The following SGMS1 variants were observed in gnomAD, a reference collection of about 807,000 sequenced individuals.
SGMS1 encodes sphingomyelin synthase 1.
SGMS1 carries 13 observed loss-of-function variants against 46.2 expected under a neutral mutation model. The observed-to-expected ratio is 0.28, with a 90% CI of 0.18 to 0.45. SGMS1 has a LOEUF of 0.45. SGMS1 is among the 20% of genes least tolerant of loss of function. The pLI, the probability that SGMS1 is intolerant of heterozygous loss-of-function variation, is 1.00. For missense variants in SGMS1, 324 were observed against 519.9 expected (o/e 0.62, Z 3.66); for synonymous variants, 203 against 187.8 (o/e 1.08, Z -0.66).
chr10:50,587,633 ATGTGTGTGTGTGTGTGTGTGTGTG>A (rs35240090), intron 2 of SGMS1, among the ~76,000 whole-genome samples: 1 of 138,172 alleles, frequency 7.2e-6, no homozygotes. Context: ...CAAAATATAT[ATGTGTGTGTGTGTGTGTGTGTGTG>A]TGTGTGTGTG....
chr10:50,485,679 C>T (rs1021647304), intron 3 of SGMS1, among the ~76,000 whole-genome samples: 2 of 152,134 alleles, frequency 1.3e-5, no homozygotes, highest in South Asian at 2.1e-4. Context: ...GCAGGTGGAT[C>T]GCTTGAGGCC....
At chr10:50,531,704 C>T (rs575674586) in intron 2 of SGMS1, among the ~76,000 whole-genome samples, 22 of 152,296 alleles carry the variant, frequency 1.4e-4, no homozygotes, top group Admixed American at 9.8e-4. Context: ...CTCTCTGCTG[C>T]GGCAAGTTGC....
intron 1 of SGMS1, among the ~76,000 whole-genome samples, chr10:50,613,058 T>A (rs1046553617): frequency 2.0e-5 from 3 of 152,230 alleles, no homozygotes; most frequent in Non-Finnish European, 4.4e-5. Context: ...TGACCACTTA[T>A]AGCACACATC....
At chr10:50,466,093 T>C (rs1313132554) in intron 4 of SGMS1, among the ~76,000 whole-genome samples, 1 of 152,124 alleles carries the variant, frequency 6.6e-6, no homozygotes. Context: ...AAGTCTAAGA[T>C]TTTAAAAGGA....
chr10:50,317,774 C>G (rs1847367485), intron 8 of SGMS1, among the ~76,000 whole-genome samples: 1 of 151,662 alleles, frequency 6.6e-6, no homozygotes, highest in Non-Finnish European at 1.5e-5. Context: ...AAATCAAGCT[C>G]CCCTGTCTCT....
At chr10:50,379,154 C>T (rs1848564269) in intron 6 of SGMS1, among the ~76,000 whole-genome samples, 2 of 152,144 alleles carry the variant, frequency 1.3e-5, no homozygotes, top group African/African-American at 4.8e-5. Context: ...GTATAATATA[C>T]TTTAAGCCCC....
rs746429724 is a variant in SGMS1 at position 50,623,567 on chromosome 10, C to T, written c.-684+140G>A. ...TGCCCGCCAGGTACGCGCGCGGCAC[C>T]GCGCGGGCTGCGCTCACGCCCCCTC... On this transcript the variant is annotated intron_variant, in intron 1 of 10. Transcript: ENST00000361781. 24 of 984,860 alleles carry T rather than the reference C, an allele frequency of 2.4e-5. No individual in the cohort carries two copies. The East Asian group carries it at 2.5e-3, about 103-fold the overall frequency. The allele number at this position is 984,860 out of a possible 1,614,324, so 61.0% of individuals were successfully genotyped here. A position where few individuals can be genotyped will look rare whatever the true frequency, so the allele number is the denominator to read the frequency against.
chr10:50,605,132 C>T (rs905695585), intron 1 of SGMS1, among the ~76,000 whole-genome samples: 4 of 82,396 alleles, frequency 4.9e-5, no homozygotes, highest in Non-Finnish European at 8.0e-5. Flanking sequence ...GATGCCCAGG[C>T]ACCACAAAAC....
intron 1 of SGMS1, among the ~76,000 whole-genome samples, chr10:50,623,182 T>C (rs1324351056): frequency 1.3e-5 from 2 of 151,764 alleles, no homozygotes; most frequent in Non-Finnish European, 2.9e-5. Context: ...GGTGGGGGGA[T>C]CCCGAAATAG....
chr10:50,380,243 T>C (rs2133471589), intron 6 of SGMS1, among the ~76,000 whole-genome samples: 1 of 151,908 alleles, frequency 6.6e-6, no homozygotes, highest in African/African-American at 2.4e-5. Context: ...TAGCCAGACA[T>C]GGTGGTATGT....
intron 6 of SGMS1, among the ~76,000 whole-genome samples, chr10:50,398,416 G>T (rs1564901503): frequency 6.6e-6 from 1 of 151,798 alleles, no homozygotes; most frequent in Non-Finnish European, 1.5e-5. Flanking sequence ...GTTTATAAAG[G>T]CAATAAAATA....
intron 7 of SGMS1, among the ~76,000 whole-genome samples, chr10:50,331,948 C>T (rs1156311030): frequency 1.3e-5 from 2 of 152,156 alleles, no homozygotes; most frequent in African/African-American, 2.4e-5. Flanking sequence ...AATGCTGTAA[C>T]TCACCCAGTC....
intron 6 of SGMS1, among the ~76,000 whole-genome samples, chr10:50,382,568 TACACAC>T (rs57835243): frequency 1.4e-5 from 2 of 142,750 alleles, no homozygotes; most frequent in Middle Eastern, 3.3e-3. Context: ...AACACACACA[TACACAC>T]ACACACACAC....
At chr10:50,538,775 G>C (rs1275596204) in intron 2 of SGMS1, among the ~76,000 whole-genome samples, 2 of 152,200 alleles carry the variant, frequency 1.3e-5, no homozygotes, top group East Asian at 3.8e-4. Context: ...GGAACTGTGA[G>C]ATAAAAGCTG....
chr10:50,344,404 G>A (rs1026382444), intron 6 of SGMS1, 59 bp from the exon 7 acceptor site: 8 of 364,204 alleles, frequency 2.2e-5, no homozygotes, highest in African/African-American at 1.0e-4. Flanking sequence ...CTCTCAAAAC[G>A]CAAAGCCTTA....
intron 7 of SGMS1, chr10:50,342,308 A>T (rs1416689839): frequency 1.3e-5 from 2 of 152,218 alleles, no homozygotes; most frequent in Non-Finnish European, 2.9e-5. Flanking sequence ...TCTTCCACCA[A>T]ATTAAATGCA....
At chr10:50,343,307 A>G (rs1847849912) in intron 7 of SGMS1, 185 bp downstream of exon 7, 1 of 599,236 alleles carries the variant, frequency 1.7e-6, no homozygotes, top group Admixed American at 3.5e-5. Flanking sequence ...AACAGGCAAC[A>G]AACAACATTT....
chr10:50,341,240 G>C (rs1847816437), intron 7 of SGMS1: 2 of 437,188 alleles, frequency 4.6e-6, no homozygotes, highest in South Asian at 3.2e-5. Context: ...GCCAGGAAAA[G>C]GTAGTTTATC....
intron 6 of SGMS1, among the ~76,000 whole-genome samples, chr10:50,409,717 T>C (rs1849070704): frequency 6.6e-6 from 1 of 152,126 alleles, no homozygotes; most frequent in South Asian, 2.1e-4. Context: ...TCTTTCGATA[T>C]ATCAACGGGA....
Sources: allele counts gnomAD v4.1 joint callset (sites outside exome capture counted in the v4.1 genomes callset), GRCh38; gene constraint gnomAD v4.1.1; transcripts MANE v1.5; gene names NCBI Gene and HGNC (gene_info 2026-07-23, HGNC 2026-07-21).